Variants in LRBA observed in about 807,000 individuals in gnomAD.
The protein encoded by LRBA is LPS responsive beige-like anchor protein.
LRBA carries 176 observed loss-of-function variants against 330.0 expected under a neutral mutation model. The observed-to-expected ratio is 0.53, with a 90% CI of 0.47 to 0.60. The LOEUF is 0.60. Among genes scored for constraint, LRBA ranks in the 20% least tolerant of loss-of-function variants. The pLI is 0.00. For synonymous variants in LRBA, 1,230 were observed against 1,193.0 expected (o/e 1.03, Z -0.64); for missense variants, 3,259 against 3,444.8 (o/e 0.95, Z 1.35).
At chr4:150,839,094 T>C (rs1748634204) in intron 28 of LRBA, among the ~76,000 whole-genome samples, 1 of 151,956 alleles carries the variant, frequency 6.6e-6, no homozygotes, top group Non-Finnish European at 1.5e-5. Flanking sequence ...AACAGACAAT[T>C]CTCAAAAGAA....
chr4:150,301,922 C>G (rs1294612673), intron 53 of LRBA, among the ~76,000 whole-genome samples: 1 of 152,162 alleles, frequency 6.6e-6, no homozygotes, highest in Non-Finnish European at 1.5e-5. Context: ...TCTCATTTTT[C>G]AGGTGGTCCC....
intron 53 of LRBA, among the ~76,000 whole-genome samples, chr4:150,301,064 A>T (rs1729612170): frequency 6.6e-6 from 1 of 152,038 alleles, no homozygotes; most frequent in South Asian, 2.1e-4. Context: ...TAGATTTATT[A>T]TCAATTTTAA....
chr4:150,629,400 A>C (rs1157069289), intron 37 of LRBA, among the ~76,000 whole-genome samples: 1 of 152,226 alleles, frequency 6.6e-6, no homozygotes, highest in African/African-American at 2.4e-5. Context: ...GCACTCTGGG[A>C]GGCCAAAGCA....
chr4:150,891,918 T>C (rs556618874), intron 17 of LRBA, among the ~76,000 whole-genome samples: 34 of 152,174 alleles, frequency 2.2e-4, no homozygotes, highest in Non-Finnish European at 4.4e-4. Context: ...TGGTGAGACT[T>C]TGTCTCTACA....
rs1225335753 is a variant in LRBA at position 150,489,363 on chromosome 4, A to AAT, written c.6449-1531_6449-1530dup. On this transcript the variant is annotated intron_variant, in intron 41 of 56. Transcript: ENST00000651943. Reference sequence around the variant, plus strand: ...GAATATAAAATATATTACATATAAGAATATAAAATATATTACATATAAGAA... The same window carrying AAT: ...GAATATAAAATATATTACATATAAGAATATATAAAATATATTACATATAAGAA... Among the ~76,000 whole-genome samples the AAT allele has an allele frequency of 1.3e-3, 76 of 57,852 alleles. 22 individuals are homozygous for AAT. The highest frequency in any genetic ancestry group is 2.0e-3 in the Admixed American group (6 of 2,940). The allele number at this position is 57,852 out of a possible 152,430, so 38.0% of individuals were successfully genotyped here. A position where few individuals can be genotyped will look rare whatever the true frequency, so the allele number is the denominator to read the frequency against.
intron 36 of LRBA, among the ~76,000 whole-genome samples, chr4:150,686,329 T>C (rs1330324225): frequency 4.6e-5 from 7 of 152,136 alleles, no homozygotes; most frequent in Non-Finnish European, 1.0e-4. Flanking sequence ...CATGAGAAAT[T>C]AAAAGCAAAT....
chr4:150,922,726 C>T lies in LRBA; in HGVS notation c.550-1433G>A, dbSNP rs1254646949. Among the ~76,000 whole-genome samples the T allele has an allele frequency of 2.0e-5, 3 of 151,992 alleles. No individual in the cohort carries two copies. The East Asian group carries it at 5.8e-4, about 29-fold the overall frequency. On this transcript the variant is annotated intron_variant, in intron 4 of 56. Transcript: ENST00000651943. ...ACAAATCACCACTAAAGAACTTACT[C>T]ATGTAACCAAATACTACCTGTACCC... is the stretch of plus-strand genomic sequence containing the variant.
intron 40 of LRBA, among the ~76,000 whole-genome samples, chr4:150,511,941 C>G (rs1218833818): frequency 6.6e-6 from 1 of 152,194 alleles, no homozygotes; most frequent in Non-Finnish European, 1.5e-5. Context: ...AACAGATGTG[C>G]TACCACAGGC....
intron 42 of LRBA, among the ~76,000 whole-genome samples, chr4:150,485,447 C>G (rs1296257592): frequency 6.6e-6 from 1 of 151,902 alleles, no homozygotes; most frequent in East Asian, 1.9e-4. Flanking sequence ...AGAGCTACCT[C>G]CCAGTACCTC....
chr4:150,674,693 ACAGTAAG>A (rs1460940269), intron 37 of LRBA, among the ~76,000 whole-genome samples: 3 of 152,138 alleles, frequency 2.0e-5, no homozygotes, highest in Non-Finnish European at 4.4e-5. Flanking sequence ...CCTGGGCAAC[ACAGTAAG>A]ACCCCATCTC....
intron 2 of LRBA, among the ~76,000 whole-genome samples, chr4:150,989,561 C>T (rs1423413264): frequency 6.6e-6 from 1 of 151,962 alleles, no homozygotes; most frequent in Admixed American, 6.6e-5. Context: ...TGCAGTGAGC[C>T]GAGATCACGC....
intron 47 of LRBA, 86 bp downstream of exon 47, chr4:150,415,352 G>C: frequency 8.2e-7 from 1 of 1,216,230 alleles, no homozygotes; most frequent in Non-Finnish European, 1.2e-6. Flanking sequence ...GTCCAGAAGA[G>C]CAAGGGTTAA....
intron 44 of LRBA, among the ~76,000 whole-genome samples, chr4:150,465,982 A>C (rs1755403000): frequency 6.6e-6 from 1 of 152,074 alleles, no homozygotes; most frequent in African/African-American, 2.4e-5. Context: ...AAGTATATGG[A>C]AAGTACCCTG....
intron 35 of LRBA, among the ~76,000 whole-genome samples, chr4:150,736,839 G>A (rs767521499): frequency 7.9e-5 from 12 of 152,118 alleles, no homozygotes; most frequent in Non-Finnish European, 1.5e-4. Context: ...CAGACAGCGG[G>A]AGAGGCCTTC....
chr4:150,583,422 T>C lies in LRBA; in HGVS notation c.6330+4626A>G, dbSNP rs1452397291. ...TCTCAGCGCGTAAGATCCGCTCGCG[T>C]TTCCAGACGCTGGTGGCCCAGGCGG... is the stretch of plus-strand genomic sequence containing the variant. On this transcript the variant is annotated intron_variant, in intron 40 of 56. Coordinates refer to ENST00000651943, the MANE Select transcript of LRBA (RefSeq NM_001364905.1). The surrounding 1 kb of genome is among the most constrained non-coding windows in gnomAD (Gnocchi z 9.8). 2 of 1,613,802 alleles carry C rather than the reference T, an allele frequency of 1.2e-6. No individual in the cohort carries two copies. Among genetic ancestry groups the C allele is most frequent in the African/African-American group, 1.3e-5 (1 of 74,938 alleles).
rs536557981 is a variant in LRBA at position 150,548,285 on chromosome 4, T to G, written c.6330+39763A>C. On this transcript the variant is annotated intron_variant, in intron 40 of 56. Transcript: ENST00000651943. ...ACTCTTTGTTAGGCTGTAGTACTTT[T>G]GTCTTCTGTCCCGCCACAGTGCACA... is the stretch of plus-strand genomic sequence containing the variant. Among the ~76,000 whole-genome samples, 7 of 152,326 alleles carry G rather than the reference T, an allele frequency of 4.6e-5. No individual in the cohort carries two copies. In the South Asian group the frequency reaches 1.4e-3, roughly 32 times the overall value.
intron 47 of LRBA, among the ~76,000 whole-genome samples, chr4:150,414,299 A>C (rs1360075836): frequency 3.9e-5 from 6 of 152,108 alleles, no homozygotes; most frequent in Non-Finnish European, 8.8e-5. Flanking sequence ...TAGAATGCAA[A>C]ATTTCAATAA....
At chr4:150,626,887 C>T (rs1340222360) in intron 37 of LRBA, among the ~76,000 whole-genome samples, 1 of 152,044 alleles carries the variant, frequency 6.6e-6, no homozygotes, top group Non-Finnish European at 1.5e-5. Context: ...AAAGACAATA[C>T]ATTCTTTTTT....
At chr4:150,573,767 T>C (rs2152287511) in intron 40 of LRBA, among the ~76,000 whole-genome samples, 1 of 152,328 alleles carries the variant, frequency 6.6e-6, no homozygotes, top group Middle Eastern at 3.4e-3. Context: ...AACACTTTTA[T>C]GCTTGTCAGA....
Sources: gnomAD v4.1 joint callset for allele counts (sites outside exome capture counted in the v4.1 genomes callset) on GRCh38, gnomAD v4.1.1 for gene constraint, Gnocchi (gnomAD v3.1) non-coding constraint, MANE v1.5 for transcripts, NCBI Gene and HGNC (gene_info 2026-07-23, HGNC 2026-07-21) for gene names.